ZCCHC7: variants seen among roughly 807,000 people sequenced by gnomAD.
The protein encoded by ZCCHC7 is zinc finger CCHC domain-containing protein 7.
Under a neutral mutation model 52.0 loss-of-function variants are expected in ZCCHC7, and 35 were observed. The ratio of observed to expected loss-of-function variants is 0.67; its 90% CI spans 0.51 to 0.89. The LOEUF is 0.89. ZCCHC7 is among the 40% of genes least tolerant of loss of function. The pLI is 0.00. For synonymous variants in ZCCHC7, 217 were observed against 221.5 expected (o/e 0.98, Z 0.18); for missense variants, 574 against 649.1 (o/e 0.88, Z 1.26).
chr9:37,174,814 A>G (rs1821927967), intron 2 of ZCCHC7, among the ~76,000 whole-genome samples: 1 of 152,152 alleles, frequency 6.6e-6, no homozygotes, highest in African/African-American at 2.4e-5. Context: ...TAGGTGCTTT[A>G]TGGGAAAGTT....
chr9:37,170,433 CAG>C (rs1323484240), intron 2 of ZCCHC7, among the ~76,000 whole-genome samples: 2 of 152,128 alleles, frequency 1.3e-5, no homozygotes, highest in Admixed American at 6.5e-5. Flanking sequence ...TCTTTTGAAA[CAG>C]AGTGTTGAGG....
chr9:37,143,532 A>G (rs553875834), intron 2 of ZCCHC7, among the ~76,000 whole-genome samples: 2 of 151,482 alleles, frequency 1.3e-5, no homozygotes, highest in Admixed American at 1.3e-4. Context: ...TATTCTGTGT[A>G]TGAAAGAAAA....
intron 2 of ZCCHC7, among the ~76,000 whole-genome samples, chr9:37,156,569 G>A (rs1444680184): frequency 6.6e-6 from 1 of 152,150 alleles, no homozygotes; most frequent in African/African-American, 2.4e-5. Context: ...TATAAAAGAG[G>A]TCAAAAATTC....
intron 2 of ZCCHC7, among the ~76,000 whole-genome samples, chr9:37,267,666 T>C (rs1827179417): frequency 6.7e-6 from 1 of 149,654 alleles, no homozygotes. Context: ...GCCTCCCAGC[T>C]TCACGCCAGT....
chr9:37,172,424 G>T (rs545920463), intron 2 of ZCCHC7, among the ~76,000 whole-genome samples: 1 of 152,074 alleles, frequency 6.6e-6, no homozygotes. Context: ...ATTGTCTTAC[G>T]CATTAATAGA....
In ZCCHC7 at chr9:37,195,034, C is replaced by T. The variant is rs141100532; in HGVS notation, c.610+68092C>T. 2.9e-3 allele frequency among the ~76,000 whole-genome samples: 427 copies of T among 149,440 alleles called. 2 individuals are homozygous for T. Among genetic ancestry groups the T allele is most frequent in the African/African-American group, 1.0e-2 (403 of 40,476 alleles). On this transcript the variant is annotated intron_variant, in intron 2 of 8. Transcript: ENST00000336755. Reference sequence around the variant, plus strand: ...TGATCTCGGCTCACTGCAACCTCCACCACCCGGGTTCAAGCTATTCTCATG... The same window carrying T: ...TGATCTCGGCTCACTGCAACCTCCATCACCCGGGTTCAAGCTATTCTCATG...
At chr9:37,335,321 G>A (rs554008633) in intron 6 of ZCCHC7, among the ~76,000 whole-genome samples, 1 of 152,094 alleles carries the variant, frequency 6.6e-6, no homozygotes, top group Non-Finnish European at 1.5e-5. Flanking sequence ...AAATTACTAG[G>A]TGGCATTTTT....
chr9:37,293,887 CCT>C (rs1828657180), intron 2 of ZCCHC7, among the ~76,000 whole-genome samples: 1 of 152,016 alleles, frequency 6.6e-6, no homozygotes, highest in African/African-American at 2.4e-5. Context: ...GTATTTATTT[CCT>C]CTTTCTTCTT....
intron 5 of ZCCHC7, chr9:37,326,926 T>G (rs2118140514): frequency 6.6e-6 from 1 of 152,180 alleles, no homozygotes; most frequent in South Asian, 2.1e-4. Context: ...TTCCAACCAT[T>G]TATATAGTTA....
chr9:37,216,133 A>G (rs1303111713), intron 2 of ZCCHC7, among the ~76,000 whole-genome samples: 2 of 152,206 alleles, frequency 1.3e-5, no homozygotes, highest in African/African-American at 4.8e-5. Flanking sequence ...CTTTTGCTGT[A>G]GGTAATAGAA....
intron 2 of ZCCHC7, among the ~76,000 whole-genome samples, chr9:37,220,609 G>T (rs1004715486): frequency 6.6e-6 from 1 of 152,150 alleles, no homozygotes; most frequent in African/African-American, 2.4e-5. Context: ...AGTACTGTGG[G>T]AGTTTGAAAG....
intron 2 of ZCCHC7, among the ~76,000 whole-genome samples, chr9:37,231,932 C>A (rs1378456235): frequency 6.6e-6 from 1 of 152,178 alleles, no homozygotes; most frequent in Non-Finnish European, 1.5e-5. Flanking sequence ...TTCACTGTTA[C>A]TCCCTTTCTG....
At chr9:37,279,603 A>G (rs1827853109) in intron 2 of ZCCHC7, among the ~76,000 whole-genome samples, 2 of 152,030 alleles carry the variant, frequency 1.3e-5, no homozygotes, top group African/African-American at 4.8e-5. Flanking sequence ...TTATGCCTGT[A>G]ATCCTAGCAC....
At chr9:37,263,489 A>G (rs1402103334) in intron 2 of ZCCHC7, among the ~76,000 whole-genome samples, 5 of 152,154 alleles carry the variant, frequency 3.3e-5, no homozygotes, top group African/African-American at 1.2e-4. Context: ...TGTTGTTTCT[A>G]AAGTTCATAT....
Position 37,357,045 on chromosome 9 carries a change from A to G in ZCCHC7, c.1409A>G (p.Asp470Gly), listed in dbSNP as rs1588718905. The G allele has an allele frequency of 2.5e-6, 4 of 1,613,736 alleles. No homozygotes were observed. The highest frequency in any genetic ancestry group is 1.3e-5 in the African/African-American group (1 of 74,864). ...HRKADRHREVDEDFPRGPKTY... is the reference protein window; with the variant it reads ...HRKADRHREVGEDFPRGPKTY... ...AAGGCTGACAGACATCGTGAAGTGG[A>G]TGAGGATTTTCCCAGGGGCCCCAAA... is the stretch of plus-strand genomic sequence containing the variant. The change falls in exon 9 of 9, where the codon GAT (aspartate) becomes GGT (glycine). Residue 470 changes from aspartate (D) to glycine (G), a missense_variant. Coordinates refer to ENST00000336755, the MANE Select transcript of ZCCHC7 (RefSeq NM_032226.3).
intron 2 of ZCCHC7, among the ~76,000 whole-genome samples, chr9:37,135,990 AG>A (rs1158964022): frequency 6.6e-6 from 1 of 152,188 alleles, no homozygotes; most frequent in African/African-American, 2.4e-5. Flanking sequence ...TTTGAATTTT[AG>A]GTTTTCTAGT....
chr9:37,122,522 A>G (rs1471568380), intron 1 of ZCCHC7, among the ~76,000 whole-genome samples: 1 of 152,238 alleles, frequency 6.6e-6, no homozygotes, highest in East Asian at 1.9e-4. Context: ...TTTAGTTTTT[A>G]AACTCTGCTG....
intron 2 of ZCCHC7, among the ~76,000 whole-genome samples, chr9:37,273,165 A>G (rs1827509302): frequency 6.6e-6 from 1 of 152,206 alleles, no homozygotes; most frequent in Non-Finnish European, 1.5e-5. Context: ...CAACAGAGAC[A>G]TTATGGCACA....
chr9:37,261,227 G>A (rs191981527), intron 2 of ZCCHC7, among the ~76,000 whole-genome samples: 128 of 152,140 alleles, frequency 8.4e-4, no homozygotes, highest in Non-Finnish European at 1.1e-3. Flanking sequence ...TCTTTAAGAC[G>A]TCAACAGATT....
Sources: gnomAD v4.1 joint callset for allele counts (sites outside exome capture counted in the v4.1 genomes callset) on GRCh38, gnomAD v4.1.1 for gene constraint, MANE v1.5 for transcripts, NCBI Gene and HGNC (gene_info 2026-07-23, HGNC 2026-07-21) for gene names.